MARCHF11: variants seen among roughly 807,000 people sequenced by gnomAD.
MARCHF11 encodes membrane associated ring-CH-type finger 11.
A neutral mutation model predicts 37.3 loss-of-function variants in MARCHF11; 29 were observed. That is an observed-to-expected ratio of 0.78 (90% CI 0.58 to 1.06). MARCHF11 has a LOEUF of 1.06. Ranked by LOEUF, MARCHF11 falls within the 50% of genes least tolerant of loss-of-function variation. The pLI is 0.00. For missense variants in MARCHF11, 482 were observed against 533.4 expected (o/e 0.90, Z 0.95); for synonymous variants, 233 against 228.0 (o/e 1.02, Z -0.20).
intron 2 of MARCHF11, among the ~76,000 whole-genome samples, chr5:16,125,619 C>CTGTG (rs34769733): frequency 0.011 from 1,604 of 142,336 alleles, 10 homozygotes; most frequent in Non-Finnish European, 0.017. Flanking sequence ...GGCACACTCT[C>CTGTG]TGTGTGTGTG....
intron 2 of MARCHF11, among the ~76,000 whole-genome samples, chr5:16,156,921 A>G (rs1245647683): frequency 6.6e-6 from 1 of 151,890 alleles, no homozygotes; most frequent in Non-Finnish European, 1.5e-5. Flanking sequence ...GCTCTTATGG[A>G]ACCACCATAG....
chr5:16,167,157 C>CGTGT (rs3031646), intron 2 of MARCHF11, among the ~76,000 whole-genome samples: 64 of 149,342 alleles, frequency 4.3e-4, no homozygotes, highest in African/African-American at 1.5e-3. Context: ...TGTATACACA[C>CGTGT]GTGTGTGTGT....
chr5:16,174,392 C>T (rs942666681), intron 2 of MARCHF11, among the ~76,000 whole-genome samples: 4 of 152,210 alleles, frequency 2.6e-5, no homozygotes. Context: ...GATACATCTG[C>T]TAGCTTTCTA....
In MARCHF11 at chr5:16,115,042, G is replaced by GT. The variant is rs781072388; in HGVS notation, c.694-23962dup. 5.9e-5 allele frequency among the ~76,000 whole-genome samples: 9 copies of GT among 151,490 alleles called. No homozygotes were observed. In the East Asian group the frequency reaches 9.7e-4, roughly 16 times the overall value. ...GCTACGATTATTTCATCTTTTTGCG[G>GT]TAAAAAAAAAATGTCTTGCCTTCAG... On this transcript the variant is annotated intron_variant, in intron 2 of 3. Transcript: ENST00000332432.
chr5:16,121,920 G>A lies in MARCHF11; in HGVS notation c.694-30839C>T, dbSNP rs906796742. ...CTTTTGAGCAACCGCACTCTGCCAGGTACTAGTCTATGTACAATACAGACT... is the reference window on the plus strand; with the variant it reads ...CTTTTGAGCAACCGCACTCTGCCAGATACTAGTCTATGTACAATACAGACT... On this transcript the variant is annotated intron_variant, in intron 2 of 3. Transcript: ENST00000332432. Among the ~76,000 whole-genome samples the A allele has an allele frequency of 2.6e-5, 4 of 152,240 alleles. No individual in the cohort carries two copies. In the East Asian group the frequency reaches 7.7e-4, roughly 29 times the overall value.
chr5:16,075,150 TA>T (rs1208953953), intron 3 of MARCHF11, among the ~76,000 whole-genome samples: 1 of 152,226 alleles, frequency 6.6e-6, no homozygotes, highest in Non-Finnish European at 1.5e-5. Flanking sequence ...CTGTTTTAGT[TA>T]ATGACCATCC....
At chr5:16,140,396 A>G (rs1737682806) in intron 2 of MARCHF11, among the ~76,000 whole-genome samples, 1 of 152,182 alleles carries the variant, frequency 6.6e-6, no homozygotes, top group African/African-American at 2.4e-5. Context: ...ATTATAATAA[A>G]TGCAAAAACC....
chr5:16,175,447 C>T (rs893876926), intron 2 of MARCHF11, among the ~76,000 whole-genome samples: 3 of 152,078 alleles, frequency 2.0e-5, no homozygotes, highest in Admixed American at 2.0e-4. Flanking sequence ...TCCAACAGGG[C>T]GGCTAAGACA....
chr5:16,082,211 CT>C (rs1209509307), intron 3 of MARCHF11, among the ~76,000 whole-genome samples: 2 of 152,206 alleles, frequency 1.3e-5, no homozygotes, highest in Non-Finnish European at 2.9e-5. Flanking sequence ...GCAGGGACTC[CT>C]GTTGGAGGAT....
rs147261902 is a variant in MARCHF11 at position 16,169,906 on chromosome 5, C to T, written c.693+7820G>A. 2.8e-4 allele frequency among the ~76,000 whole-genome samples: 42 copies of T among 152,210 alleles called. No homozygotes were observed. The East Asian group carries it at 5.8e-3, about 21-fold the overall frequency. On this transcript the variant is annotated intron_variant, in intron 2 of 3. Coordinates refer to ENST00000332432, the MANE Select transcript of MARCHF11 (RefSeq NM_001102562.3). Reference sequence around the variant, plus strand: ...CAGAAGGTCCCAAAATAGAAAGAAGCCGAGTTTCCTTTATACCAATCCCTT... The same window carrying T: ...CAGAAGGTCCCAAAATAGAAAGAAGTCGAGTTTCCTTTATACCAATCCCTT...
chr5:16,153,009 G>A (rs1213539267), intron 2 of MARCHF11, among the ~76,000 whole-genome samples: 2 of 151,944 alleles, frequency 1.3e-5, no homozygotes, highest in Admixed American at 1.3e-4. Context: ...TCCATGTATA[G>A]CAAGGCACTG....
At chr5:16,098,130 T>C (rs991354025) in intron 2 of MARCHF11, among the ~76,000 whole-genome samples, 1 of 152,150 alleles carries the variant, frequency 6.6e-6, no homozygotes, top group Non-Finnish European at 1.5e-5. Context: ...TCATTCATGA[T>C]GAAAACTAGG....
At chr5:16,114,070 T>C (rs566017515) in intron 2 of MARCHF11, among the ~76,000 whole-genome samples, 1 of 152,342 alleles carries the variant, frequency 6.6e-6, no homozygotes, top group Non-Finnish European at 1.5e-5. Flanking sequence ...CTGGCTTATT[T>C]CAGTTAAAAT....
intron 3 of MARCHF11, among the ~76,000 whole-genome samples, chr5:16,086,609 A>G (rs1321913467): frequency 6.6e-6 from 1 of 152,196 alleles, no homozygotes; most frequent in East Asian, 1.9e-4. Context: ...TTTTGCAAAT[A>G]CCACTGACGA....
At chr5:16,155,214 G>T (rs1316216949) in intron 2 of MARCHF11, among the ~76,000 whole-genome samples, 3 of 151,818 alleles carry the variant, frequency 2.0e-5, no homozygotes, top group African/African-American at 2.4e-5. Context: ...GCAGGTAGAA[G>T]TTTCTCATTT....
intron 2 of MARCHF11, among the ~76,000 whole-genome samples, chr5:16,146,081 G>T (rs2126594693): frequency 6.6e-6 from 1 of 152,252 alleles, no homozygotes; most frequent in East Asian, 1.9e-4. Context: ...TAATTTTCAA[G>T]AACAGAAGAA....
chr5:16,089,885 G>T (rs1348966001), intron 3 of MARCHF11, among the ~76,000 whole-genome samples: 2 of 152,214 alleles, frequency 1.3e-5, no homozygotes, highest in African/African-American at 4.8e-5. Flanking sequence ...GAAAACAGAA[G>T]TATGGAGGGA....
At chr5:16,134,350 A>G (rs1040547143) in intron 2 of MARCHF11, among the ~76,000 whole-genome samples, 1 of 152,166 alleles carries the variant, frequency 6.6e-6, no homozygotes, top group Non-Finnish European at 1.5e-5. Flanking sequence ...GATTATTGCC[A>G]ATTATAAAAG....
At chr5:16,085,581 T>C (rs1234192991) in intron 3 of MARCHF11, among the ~76,000 whole-genome samples, 7 of 24,042 alleles carry the variant, frequency 2.9e-4, no homozygotes, top group African/African-American at 1.3e-3. Flanking sequence ...TATGTATCGG[T>C]GGGTGGGGTC....
Sources: allele counts gnomAD v4.1 joint callset (sites outside exome capture counted in the v4.1 genomes callset), GRCh38; gene constraint gnomAD v4.1.1; transcripts MANE v1.5; gene names NCBI Gene and HGNC (gene_info 2026-07-23, HGNC 2026-07-21).